Variants in ZNF224 observed in about 807,000 individuals in gnomAD.
ZNF224 encodes the protein zinc finger protein 224.
In ZNF224, 8 loss-of-function variants were observed where a neutral mutation model predicts 10.5. The observed-to-expected ratio is 0.76, with a 90% confidence interval of 0.45 to 1.37. The LOEUF (loss-of-function observed/expected upper bound fraction) is 1.37, where lower values mean the gene tolerates loss of function less well. ZNF224 is among the 40% of genes most tolerant of loss of function. The pLI is 0.00. For synonymous variants in ZNF224, 282 were observed against 287.8 expected (o/e 0.98, Z 0.20); for missense variants, 754 against 854.0 (o/e 0.88, Z 1.46).
In ZNF224 at chr19:44,100,945, C is replaced by T; in HGVS notation, c.142+18C>T. 1.2e-6 allele frequency: 2 copies of T among 1,612,584 alleles called. No individual in the cohort carries two copies. Among genetic ancestry groups the T allele is most frequent in the East Asian group, 2.2e-5 (1 of 44,872 alleles). On this transcript the variant is annotated intron_variant, in intron 4 of 5. Transcript: ENST00000693561. Reference sequence around the variant, plus strand: ...CTCAGTGGGTGAGGACAGGCACCCTCTGTAACAGAACGTCAGGCCCCAGAG... The same window carrying T: ...CTCAGTGGGTGAGGACAGGCACCCTTTGTAACAGAACGTCAGGCCCCAGAG...
chr19:44,098,858 C>T (rs1445883826), intron 3 of ZNF224, among the ~76,000 whole-genome samples: 4 of 152,218 alleles, frequency 2.6e-5, no homozygotes, highest in Non-Finnish European at 4.4e-5. Flanking sequence ...GAATTACAGG[C>T]GTGAGCCACC....
Position 44,097,417 on chromosome 19 carries a change from T to C in ZNF224, c.-68-389T>C, listed in dbSNP as rs886730111. 3.8e-4 allele frequency among the ~76,000 whole-genome samples: 58 copies of C among 152,220 alleles called. 2 individuals carry two copies. The highest frequency in any genetic ancestry group is 1.5e-5 in the Non-Finnish European group (1 of 68,038). On this transcript the variant is annotated intron_variant, in intron 2 of 5. Coordinates refer to ENST00000693561, the MANE Select transcript of ZNF224 (RefSeq NM_001321645.3). The stretch of plus-strand genomic sequence containing the variant: ...GCCTACTTATGGTTAGACTTCATTC[T>C]CACTCAGATCTGAAGCAATCACTAA...
At chr19:44,101,357 GGTGGCCCT>G in intron 5 of ZNF224, 132 bp downstream of exon 5, 1 of 886,852 alleles carries the variant, frequency 1.1e-6, no homozygotes, top group Non-Finnish European at 1.7e-6. Context: ...TCTTACACCT[GGTGGCCCT>G]GCCACCCGCC....
Position 44,108,106 on chromosome 19 carries a change from A to G in ZNF224, c.1946A>G (p.Glu649Gly), listed in dbSNP as rs1486277971. The change falls in exon 6 of 6, where the codon GAA becomes GGA. Residue 649 changes from glutamate to glycine, a missense_variant. Coordinates refer to ENST00000693561, the MANE Select transcript of ZNF224 (RefSeq NM_001321645.3). The stretch of plus-strand genomic sequence containing the variant: ...GTGCAAGAAAAAGTTCACAGTGTAG[A>G]AAAGCCATACAAATGTGAGGACTGT... ...SKVQEKVHSV[E>G]KPYKCEDCGK... 3.7e-6 allele frequency: 6 copies of G among 1,612,300 alleles called. No homozygotes were observed. Among genetic ancestry groups the G allele is most frequent in the Non-Finnish European group, 5.1e-6 (6 of 1,178,782 alleles).
chr19:44,098,410 C>A (rs1967483957), intron 3 of ZNF224, among the ~76,000 whole-genome samples: 1 of 152,102 alleles, frequency 6.6e-6, no homozygotes, highest in Non-Finnish European at 1.5e-5. Context: ...CCATATGTGG[C>A]ACATCATGGC....
rs780742341 is a variant in ZNF224, at chr19:44,106,406, C to G, written c.246C>G (p.Ile82Met). ...TCTGTATTCTGATAGGAGACAAGAT[C>G]CAAACTGAGATGGAGACTGTTTCAG... ...IQREGNSGDK[I>M]QTEMETVSEA... The change falls in exon 6 of 6, where the codon ATC becomes ATG. Residue 82 changes from isoleucine (I) to methionine (M), a missense_variant. By Grantham distance (10) the Ile-to-Met change is conservative. Coordinates refer to ENST00000693561, the MANE Select transcript of ZNF224 (RefSeq NM_001321645.3). 6.2e-7 allele frequency: 1 copy of G among 1,614,068 alleles called. No individual in the cohort carries two copies. Among genetic ancestry groups the G allele is most frequent in the Admixed American group, 1.7e-5 (1 of 60,004 alleles).
chr19:44,102,224 T>C (rs760427924), intron 5 of ZNF224, among the ~76,000 whole-genome samples: 1 of 152,236 alleles, frequency 6.6e-6, no homozygotes, highest in Non-Finnish European at 1.5e-5. Flanking sequence ...TTATTCAAGT[T>C]TCTTTTCAGT....
chr19:44,106,884 A>G lies in ZNF224; in HGVS notation c.724A>G (p.Ser242Gly), dbSNP rs769332118. Reference protein sequence around the residue: ...FKCVECGKGFSRRSALNVHHK... With the variant: ...FKCVECGKGFGRRSALNVHHK... ...ATGTGTGGAATGTGGGAAAGGCTTC[A>G]GTCGTAGATCAGCACTTAATGTTCA... Residue 242 changes from serine (S) to glycine (G), a missense_variant, in exon 6 of 6, where the codon AGT becomes GGT. Coordinates refer to ENST00000693561, the MANE Select transcript of ZNF224 (RefSeq NM_001321645.3). The G allele has an allele frequency of 2.5e-6, 4 of 1,610,076 alleles. No homozygotes were observed. Among genetic ancestry groups the G allele is most frequent in the Non-Finnish European group, 2.5e-6 (3 of 1,177,140 alleles).
chr19:44,106,148 T>C lies in ZNF224; in HGVS notation c.236-248T>C, dbSNP rs1967653050. The C allele has an allele frequency of 5.9e-6, 3 of 509,136 alleles. No homozygotes were observed. The South Asian group carries it at 7.0e-5, about 12-fold the overall frequency. The allele number at this position is 509,136 out of a possible 1,614,324, so 31.5% of individuals were successfully genotyped here. A position where few individuals can be genotyped will look rare whatever the true frequency, so the allele number is the denominator to read the frequency against. On this transcript the variant is annotated intron_variant, in intron 5 of 5. Transcript: ENST00000693561. ...ACACCAGCAGCAGTGTATAAGCGTT[T>C]CTTCTCACCACACCCATGTCAACAT...
intron 2 of ZNF224, among the ~76,000 whole-genome samples, chr19:44,097,286 CTT>C (rs1165186458): frequency 1.3e-5 from 2 of 152,158 alleles, no homozygotes; most frequent in Admixed American, 1.3e-4. Context: ...TATCATATAA[CTT>C]ACTTATATCA....
chr19:44,096,526 AG>A (rs1265133758), intron 2 of ZNF224, 95 bp downstream of exon 2: 1 of 152,228 alleles, frequency 6.6e-6, no homozygotes, highest in Non-Finnish European at 1.5e-5. Flanking sequence ...ATTAAATATT[AG>A]ATATCTATCC....
At chr19:44,097,628 A>G (rs1165401716) in intron 2 of ZNF224, 178 bp from the exon 3 acceptor site, 3 of 494,970 alleles carry the variant, frequency 6.1e-6, no homozygotes, top group African/African-American at 2.0e-5. Flanking sequence ...TGGATAGACC[A>G]TGATTTGTCT....
rs1365902497 is a variant in ZNF224 at position 44,094,516 on chromosome 19, C to T, written c.-172C>T. ...GATCGAATTAGGGGAAAAGGGGCCT[C>T]GTCGGAGAGTAGAGGTTTGGAGGGG... is the stretch of plus-strand genomic sequence containing the variant. On this transcript the variant is annotated 5_prime_UTR_variant, in exon 1 of 6. Transcript: ENST00000693561. 4 of 152,388 alleles carry T rather than the reference C, an allele frequency of 2.6e-5. No individual in the cohort carries two copies. The highest frequency in any genetic ancestry group is 6.5e-5 in the Admixed American group (1 of 15,276). 9.4% of individuals were successfully genotyped at this position (152,388 alleles called of 1,614,324 possible).
chr19:44,100,947 G>A lies in ZNF224; in HGVS notation c.142+20G>A. The A allele has an allele frequency of 3.1e-6, 5 of 1,612,348 alleles. No individual in the cohort carries two copies. Among genetic ancestry groups the A allele is most frequent in the African/African-American group, 1.3e-5 (1 of 74,976 alleles). ...CAGTGGGTGAGGACAGGCACCCTCT[G>A]TAACAGAACGTCAGGCCCCAGAGGT... On this transcript the variant is annotated intron_variant, in intron 4 of 5. Coordinates refer to ENST00000693561, the MANE Select transcript of ZNF224 (RefSeq NM_001321645.3).
chr19:44,097,749 T>A, intron 2 of ZNF224, 57 bp from the exon 3 acceptor site: 1 of 989,426 alleles, frequency 1.0e-6, no homozygotes, highest in East Asian at 2.4e-5. Flanking sequence ...TGTTGGTGGG[T>A]GGCATCCCTG....
chr19:44,098,768 A>G (rs1438221012), intron 3 of ZNF224, among the ~76,000 whole-genome samples: 1 of 152,100 alleles, frequency 6.6e-6, no homozygotes, highest in Non-Finnish European at 1.5e-5. Flanking sequence ...TAGTAGAGAC[A>G]GGGTTTCTCC....
chr19:44,095,306 G>A (rs186144837), intron 1 of ZNF224: 1 of 155,378 alleles, frequency 6.4e-6, no homozygotes, highest in African/African-American at 2.4e-5. Context: ...ACGCCACACC[G>A]TGGCTCTGTG....
Position 44,100,789 on chromosome 19 carries a change from T to C in ZNF224, c.16-12T>C, listed in dbSNP as rs777136876. 2 of 1,612,214 alleles carry C rather than the reference T, an allele frequency of 1.2e-6. No homozygotes were observed. The highest frequency in any genetic ancestry group is 2.7e-5 in the African/African-American group (2 of 74,860). On this transcript the variant is annotated splice_polypyrimidine_tract_variant and intron_variant, in intron 3 of 5. Coordinates refer to ENST00000693561, the MANE Select transcript of ZNF224 (RefSeq NM_001321645.3). ...GTCATGAGACTGAGATTGCATATGTTTGATGCTATAGGAGGCAATGACCTT... is the reference window on the plus strand; with the variant it reads ...GTCATGAGACTGAGATTGCATATGTCTGATGCTATAGGAGGCAATGACCTT...
intron 3 of ZNF224, among the ~76,000 whole-genome samples, chr19:44,098,976 T>C (rs1415116076): frequency 6.6e-6 from 1 of 152,254 alleles, no homozygotes; most frequent in Non-Finnish European, 1.5e-5. Flanking sequence ...AGGCTGTTCT[T>C]ATCTTCCTCT....
Sources: allele counts gnomAD v4.1 joint callset (sites outside exome capture counted in the v4.1 genomes callset), GRCh38; gene constraint gnomAD v4.1.1; transcripts MANE v1.5; gene names NCBI Gene and HGNC (gene_info 2026-07-23, HGNC 2026-07-21).